Variants in RSRC1 observed in about 807,000 individuals in gnomAD.
The protein encoded by RSRC1 is arginine and serine rich coiled-coil 1, also known as serine/Arginine-related protein 53.
Under a neutral mutation model 49.1 loss-of-function variants are expected in RSRC1, and 39 were observed. The observed-to-expected ratio is 0.79, with a 90% CI of 0.61 to 1.04. RSRC1 has a LOEUF of 1.04. Among genes scored for constraint, RSRC1 ranks in the 50% least tolerant of loss-of-function variants. RSRC1 has a pLI of 0.00. For missense variants in RSRC1, 388 were observed against 402.4 expected (o/e 0.96, Z 0.31); for synonymous variants, 143 against 130.8 (o/e 1.09, Z -0.63).
At chr3:158,149,460 G>A (rs1427406734) in intron 3 of RSRC1, among the ~76,000 whole-genome samples, 1 of 152,166 alleles carries the variant, frequency 6.6e-6, no homozygotes, top group Non-Finnish European at 1.5e-5. Context: ...CTTGGTTGTA[G>A]AGCTTGATAG....
intron 7 of RSRC1, among the ~76,000 whole-genome samples, chr3:158,509,072 TA>T (rs1373454100): frequency 6.6e-6 from 1 of 152,252 alleles, no homozygotes; most frequent in Non-Finnish European, 1.5e-5. Flanking sequence ...GGGCTTTGCC[TA>T]ACCTAAGATC....
chr3:158,161,487 T>G (rs960937562), intron 3 of RSRC1, among the ~76,000 whole-genome samples: 3 of 152,108 alleles, frequency 2.0e-5, no homozygotes, highest in African/African-American at 4.8e-5. Context: ...GTGGGGCAGG[T>G]GCTGTGGCTC....
At chr3:158,514,974 A>G (rs1740424169) in intron 7 of RSRC1, among the ~76,000 whole-genome samples, 2 of 151,556 alleles carry the variant, frequency 1.3e-5, no homozygotes, top group Non-Finnish European at 2.9e-5. Context: ...TGCTTGGTAG[A>G]TCTTCCTCCA....
At chr3:158,365,091 A>C (rs937574679) in intron 6 of RSRC1, among the ~76,000 whole-genome samples, 1 of 152,130 alleles carries the variant, frequency 6.6e-6, no homozygotes, top group African/African-American at 2.4e-5. Context: ...TCCTCATACC[A>C]GTATGCTTAT....
intron 6 of RSRC1, among the ~76,000 whole-genome samples, chr3:158,388,178 A>T (rs1011765976): frequency 8.6e-5 from 13 of 151,610 alleles, no homozygotes; most frequent in African/African-American, 3.1e-4. Context: ...TTTATCAAAC[A>T]TTAATATTAT....
chr3:158,501,416 A>G (rs929284183), intron 7 of RSRC1, among the ~76,000 whole-genome samples: 7 of 152,024 alleles, frequency 4.6e-5, no homozygotes, highest in Admixed American at 1.3e-4. Flanking sequence ...TTCTTTGTTG[A>G]CTTTCTGTCT....
chr3:158,278,791 C>T (rs1051039231), intron 4 of RSRC1, among the ~76,000 whole-genome samples: 6 of 152,196 alleles, frequency 3.9e-5, no homozygotes, highest in Non-Finnish European at 8.8e-5. Context: ...ATACAACACT[C>T]AGAAACTCAT....
intron 7 of RSRC1, among the ~76,000 whole-genome samples, chr3:158,516,183 G>C (rs1021368353): frequency 6.6e-5 from 10 of 152,304 alleles, no homozygotes; most frequent in Non-Finnish European, 1.2e-4. Flanking sequence ...TCGCTTTTTA[G>C]AGTTTCCAGT....
At chr3:158,310,145 C>G (rs1205929358) in intron 5 of RSRC1, among the ~76,000 whole-genome samples, 1 of 151,480 alleles carries the variant, frequency 6.6e-6, no homozygotes, top group Non-Finnish European at 1.5e-5. Flanking sequence ...TTAAAAAGCA[C>G]TTTATTTATA....
chr3:158,531,939 T>C (rs1038273030), intron 7 of RSRC1, among the ~76,000 whole-genome samples: 15 of 151,908 alleles, frequency 9.9e-5, no homozygotes, highest in African/African-American at 2.7e-4. Context: ...ATATTGTTGT[T>C]TGCTTTTTTG....
intron 6 of RSRC1, among the ~76,000 whole-genome samples, chr3:158,399,859 T>G (rs1209446744): frequency 1.3e-5 from 2 of 152,164 alleles, no homozygotes; most frequent in Non-Finnish European, 2.9e-5. Flanking sequence ...CTCTATACAT[T>G]TCTTTTCTAT....
intron 4 of RSRC1, among the ~76,000 whole-genome samples, chr3:158,227,304 C>T (rs1440297104): frequency 6.6e-6 from 1 of 151,962 alleles, no homozygotes; most frequent in African/African-American, 2.4e-5. Context: ...CCTCTTCCCT[C>T]TGCCCCCAAG....
intron 3 of RSRC1, among the ~76,000 whole-genome samples, chr3:158,194,551 G>T (rs1373456149): frequency 6.7e-6 from 1 of 148,938 alleles, no homozygotes; most frequent in Non-Finnish European, 1.5e-5. Context: ...CAACGTGCAG[G>T]TTTGTTACAT....
chr3:158,480,729 ACAAAAACTTTGTG>A (rs1192590531), intron 7 of RSRC1, among the ~76,000 whole-genome samples: 2 of 152,048 alleles, frequency 1.3e-5, no homozygotes, highest in Admixed American at 1.3e-4. Context: ...TGCAAAATAA[ACAAAAACTTTGTG>A]CATTTTTCTA....
At chr3:158,306,940 A>G (rs921803394) in intron 5 of RSRC1, among the ~76,000 whole-genome samples, 1 of 152,006 alleles carries the variant, frequency 6.6e-6, no homozygotes, top group South Asian at 2.1e-4. Flanking sequence ...TTGGGAATTG[A>G]AAGACAAGTA....
At chr3:158,483,505 A>T (rs1738699267) in intron 7 of RSRC1, among the ~76,000 whole-genome samples, 1 of 152,090 alleles carries the variant, frequency 6.6e-6, no homozygotes, top group African/African-American at 2.4e-5. Context: ...ATGTGAAATG[A>T]GCTGAAAAGA....
chr3:158,337,001 C>T lies in RSRC1; in HGVS notation c.532-17856C>T, dbSNP rs139839075. ...CCGTGATAAGAGGTGGGAGATTTCC[C>T]GTCTGTGCCTGAGTTAACTGGCATG... On this transcript the variant is annotated intron_variant, in intron 5 of 9. Transcript: ENST00000611884. 3.9e-3 allele frequency among the ~76,000 whole-genome samples: 594 copies of T among 152,262 alleles called. 5 individuals are homozygous for T. Among genetic ancestry groups the T allele is most frequent in the African/African-American group, 0.013 (559 of 41,566 alleles).
At chr3:158,136,771 A>T (rs1314464514) in intron 3 of RSRC1, 1 of 152,000 alleles carries the variant, frequency 6.6e-6, no homozygotes, top group East Asian at 1.9e-4. Context: ...GAGATCATGC[A>T]GGAGCAATAG....
chr3:158,320,861 A>G (rs1728715762), intron 5 of RSRC1, among the ~76,000 whole-genome samples: 1 of 152,118 alleles, frequency 6.6e-6, no homozygotes, highest in Non-Finnish European at 1.5e-5. Context: ...ACTAACTTAA[A>G]TTAGTTAATT....
Sources: gnomAD v4.1 joint callset for allele counts (sites outside exome capture counted in the v4.1 genomes callset) on GRCh38, gnomAD v4.1.1 for gene constraint, MANE v1.5 for transcripts, NCBI Gene and HGNC (gene_info 2026-07-23, HGNC 2026-07-21) for gene names.